Variants in RALB observed in about 807,000 individuals in gnomAD.
RALB encodes ras-related protein Ral-B.
In RALB, 16 loss-of-function variants were observed where a neutral mutation model predicts 21.3. The ratio of observed to expected loss-of-function variants is 0.75; its 90% confidence interval spans 0.51 to 1.14. RALB has a LOEUF of 1.14. Among genes scored for constraint, RALB ranks in the 50% most tolerant of loss-of-function variants. RALB has a pLI of 0.00. For missense variants in RALB, 161 were observed against 256.2 expected (o/e 0.63, Z 2.54); for synonymous variants, 93 against 96.1 (o/e 0.97, Z 0.19).
At chr2:120,269,290 C>A (rs1002893523) in intron 1 of RALB, among the ~76,000 whole-genome samples, 1 of 152,146 alleles carries the variant, frequency 6.6e-6, no homozygotes, top group Non-Finnish European at 1.5e-5. Context: ...AAGAATGAAG[C>A]CGCAAACCTT....
intron 1 of RALB, among the ~76,000 whole-genome samples, chr2:120,270,715 C>A (rs1457968110): frequency 6.6e-6 from 1 of 152,190 alleles, no homozygotes. Context: ...CCACCTTGAC[C>A]AGTCTCCCCT....
rs1690344376 is a variant in RALB, at chr2:120,293,052, G to C, written c.502-89G>C. 2.3e-6 allele frequency: 3 copies of C among 1,295,976 alleles called. No individual in the cohort carries two copies. In the South Asian group the frequency reaches 4.8e-5, roughly 21 times the overall value. 80.3% of individuals were successfully genotyped at this position (1,295,976 alleles called of 1,614,324 possible). A position where few individuals can be genotyped will look rare whatever the true frequency, so the allele number is the denominator to read the frequency against. On this transcript the variant is annotated intron_variant, in intron 4 of 4. Transcript: ENST00000272519. ...TTATTTCATTGAATCCTTAAATGCT[G>C]TGTTCACAGTGTCAGGTTAACAAAA... is the stretch of plus-strand genomic sequence containing the variant.
At chr2:120,260,863 T>C (rs911473202) in intron 1 of RALB, among the ~76,000 whole-genome samples, 1 of 152,228 alleles carries the variant, frequency 6.6e-6, no homozygotes, top group African/African-American at 2.4e-5. Context: ...TTGTGGGTGA[T>C]CTTGATCTCA....
chr2:120,284,718 A>C (rs1467290343), intron 2 of RALB, among the ~76,000 whole-genome samples: 1 of 149,372 alleles, frequency 6.7e-6, no homozygotes, highest in African/African-American at 2.5e-5. Context: ...CATCACCATT[A>C]TCTAATTTTA....
chr2:120,289,548 T>C, intron 3 of RALB, 32 bp from the exon 4 acceptor site: 2 of 1,603,160 alleles, frequency 1.2e-6, no homozygotes, highest in Non-Finnish European at 1.7e-6. Flanking sequence ...TTTAGTTTTT[T>C]TAGCTGCTGT....
At chr2:120,284,754 A>C (rs1279857418) in intron 2 of RALB, among the ~76,000 whole-genome samples, 6 of 58,096 alleles carry the variant, frequency 1.0e-4, no homozygotes, top group Non-Finnish European at 2.2e-4. Flanking sequence ...TCCAAAAAAA[A>C]CCAACCTACG....
In RALB at chr2:120,293,309, G is replaced by C; in HGVS notation, c.*49G>C. 1.3e-6 allele frequency: 2 copies of C among 1,537,014 alleles called. No individual in the cohort carries two copies. The highest frequency in any genetic ancestry group is 1.7e-6 in the Non-Finnish European group (2 of 1,144,042). Reference sequence around the variant, plus strand: ...AGCTGCTCCTAAGGACACAGGGCTGGGTTGGTAAAGAGAAGGCTATGGTTG... The same window carrying C: ...AGCTGCTCCTAAGGACACAGGGCTGCGTTGGTAAAGAGAAGGCTATGGTTG... On this transcript the variant is annotated 3_prime_UTR_variant, in exon 5 of 5. Transcript: ENST00000272519.
chr2:120,269,053 C>G (rs1315495008), intron 1 of RALB, among the ~76,000 whole-genome samples: 2 of 152,186 alleles, frequency 1.3e-5, no homozygotes, highest in Non-Finnish European at 2.9e-5. Context: ...TGTTCCTGGT[C>G]AGTACATATA....
chr2:120,255,475 T>G (rs1400452493), intron 1 of RALB, among the ~76,000 whole-genome samples: 1 of 152,180 alleles, frequency 6.6e-6, no homozygotes, highest in African/African-American at 2.4e-5. Context: ...GATTTGACCA[T>G]GGGCTGTCTC....
intron 1 of RALB, among the ~76,000 whole-genome samples, chr2:120,275,563 C>T (rs888145119): frequency 6.6e-6 from 1 of 152,148 alleles, no homozygotes; most frequent in Admixed American, 6.5e-5. Flanking sequence ...AAGCTCCCTG[C>T]ATGATTCTGT....
upstream of RALB, among the ~76,000 whole-genome samples, chr2:120,252,016 C>CA (rs2104572975): frequency 6.6e-6 from 1 of 152,274 alleles, no homozygotes; most frequent in Admixed American, 6.5e-5. Context: ...TATCACATTG[C>CA]ATAAGAGATA....
At chr2:120,290,153 C>T (rs964924073) in intron 4 of RALB, among the ~76,000 whole-genome samples, 1 of 151,666 alleles carries the variant, frequency 6.6e-6, no homozygotes, top group African/African-American at 2.4e-5. Context: ...TGTGCACCAC[C>T]ACACTGGCTG....
In RALB at chr2:120,278,983, C is replaced by T. The variant is rs76023665; in HGVS notation, c.114+205C>T. Reference sequence around the variant, plus strand: ...TCTAGGTAAATAATTTCAACTCCGGCGGGGATGTGAGAGATCTCTGCTTGC... The same window carrying T: ...TCTAGGTAAATAATTTCAACTCCGGTGGGGATGTGAGAGATCTCTGCTTGC... On this transcript the variant is annotated intron_variant, in intron 2 of 4. Transcript: ENST00000272519. Among the ~76,000 whole-genome samples the T allele has an allele frequency of 0.017, 2,534 of 152,246 alleles. 172 individuals carry two copies. In the East Asian group the frequency reaches 0.24, roughly 15 times the overall value.
At chr2:120,293,034 A>G (rs1413340948) in intron 4 of RALB, 107 bp from the exon 5 acceptor site, 16 of 1,178,818 alleles carry the variant, frequency 1.4e-5, no homozygotes, top group Admixed American at 3.2e-5. Context: ...AAATTATTTC[A>G]TTGAATCCTT....
chr2:120,276,032 T>C (rs187218921), intron 1 of RALB, among the ~76,000 whole-genome samples: 35 of 152,342 alleles, frequency 2.3e-4, no homozygotes, highest in Admixed American at 9.8e-4. Context: ...GGCATGACTC[T>C]CTGGCAGCAC....
intron 1 of RALB, chr2:120,253,717 T>A (rs1689121112): frequency 1.0e-6 from 1 of 985,300 alleles, no homozygotes; most frequent in Non-Finnish European, 1.2e-6. Flanking sequence ...GTTGGAACTT[T>A]GGTGTTCTTA....
At chr2:120,240,165 C>G (rs1195803129) in intron 1 of RALB, 1 of 1,289,280 alleles carries the variant, frequency 7.8e-7, no homozygotes, top group Non-Finnish European at 1.0e-6. Flanking sequence ...CTTCGAAGCC[C>G]CACAGTGACC....
At chr2:120,279,973 C>A (rs1034200035) in intron 2 of RALB, among the ~76,000 whole-genome samples, 1 of 152,092 alleles carries the variant, frequency 6.6e-6, no homozygotes, top group South Asian at 2.1e-4. Flanking sequence ...TTTGGAGTCA[C>A]GCGGCATGTG....
At chr2:120,263,419 A>G (rs1468943380) in intron 1 of RALB, among the ~76,000 whole-genome samples, 2 of 152,182 alleles carry the variant, frequency 1.3e-5, no homozygotes, top group Non-Finnish European at 2.9e-5. Context: ...TGGCCTCCCA[A>G]AATGTTGGGA....
Sources: allele counts gnomAD v4.1 joint callset (sites outside exome capture counted in the v4.1 genomes callset), GRCh38; gene constraint gnomAD v4.1.1; transcripts MANE v1.5; gene names NCBI Gene and HGNC (gene_info 2026-07-23, HGNC 2026-07-21).